MAMDC2: variants seen among roughly 807,000 people sequenced by gnomAD.
MAMDC2 encodes the protein MAM domain-containing protein 2.
A neutral mutation model predicts 89.8 loss-of-function variants in MAMDC2; 57 were observed. The ratio of observed to expected loss-of-function variants is 0.63; its 90% CI spans 0.51 to 0.79. The LOEUF is 0.79. MAMDC2 is among the 30% of genes least tolerant of loss of function. The pLI, the probability that MAMDC2 is intolerant of heterozygous loss-of-function variation, is 0.00. For synonymous variants in MAMDC2, 313 were observed against 293.4 expected, an observed-to-expected ratio of 1.07 and a Z score of -0.68; for missense variants, 800 against 820.6, an observed-to-expected ratio of 0.97 and a Z score of 0.31.
At chr9:70,207,913 G>C (rs544286190) in intron 11 of MAMDC2, among the ~76,000 whole-genome samples, 18 of 152,186 alleles carry the variant, frequency 1.2e-4, no homozygotes, top group East Asian at 5.8e-4. Flanking sequence ...TCTTGTTTTT[G>C]TCAGGTTTGT....
intron 2 of MAMDC2, among the ~76,000 whole-genome samples, chr9:70,104,189 G>C (rs1828274113): frequency 6.6e-6 from 1 of 152,088 alleles, no homozygotes; most frequent in African/African-American, 2.4e-5. Context: ...ATAAGCATAT[G>C]AAAGATGCTC....
intron 6 of MAMDC2, among the ~76,000 whole-genome samples, chr9:70,131,205 T>A: frequency 6.6e-6 from 1 of 152,076 alleles, no homozygotes; most frequent in East Asian, 1.9e-4. Flanking sequence ...CCAATCCCAT[T>A]CCAAAACCTA....
chr9:70,225,246 C>G (rs898712157), intron 12 of MAMDC2, among the ~76,000 whole-genome samples: 6 of 152,116 alleles, frequency 3.9e-5, no homozygotes, highest in Admixed American at 1.3e-4. Context: ...ATAAGTGAAC[C>G]ATTATCTTTG....
At chr9:70,083,344 G>A (rs1827696818) in intron 2 of MAMDC2, 1 of 151,796 alleles carries the variant, frequency 6.6e-6, no homozygotes, top group African/African-American at 2.4e-5. Flanking sequence ...AGTTATATTT[G>A]TTTTGTACTA....
intron 11 of MAMDC2, among the ~76,000 whole-genome samples, chr9:70,176,674 C>T (rs907349665): frequency 1.3e-5 from 2 of 152,172 alleles, no homozygotes; most frequent in African/African-American, 4.8e-5. Flanking sequence ...TTCCACTTTT[C>T]TAACTAACTC....
At chr9:70,089,807 TA>T (rs1380185653) in intron 2 of MAMDC2, among the ~76,000 whole-genome samples, 4 of 152,224 alleles carry the variant, frequency 2.6e-5, no homozygotes, top group Admixed American at 2.6e-4. Context: ...GATTAGTATT[TA>T]GTGATTAGCA....
At chr9:70,182,631 G>C (rs1258764053) in intron 11 of MAMDC2, among the ~76,000 whole-genome samples, 1 of 152,114 alleles carries the variant, frequency 6.6e-6, no homozygotes, top group Non-Finnish European at 1.5e-5. Context: ...AGATTTTCTA[G>C]TTTATTTTCA....
chr9:70,119,283 A>C (rs2030176887), intron 5 of MAMDC2, among the ~76,000 whole-genome samples: 2 of 152,184 alleles, frequency 1.3e-5, no homozygotes, highest in Non-Finnish European at 1.5e-5. Flanking sequence ...CTATTATGGA[A>C]GAAGCTGGAC....
At chr9:70,144,252 C>T (rs1190218493) in intron 9 of MAMDC2, among the ~76,000 whole-genome samples, 1 of 152,130 alleles carries the variant, frequency 6.6e-6, no homozygotes, top group African/African-American at 2.4e-5. Flanking sequence ...TGCATTGAGG[C>T]TTTAAGGTTA....
Position 70,064,431 on chromosome 9 carries a change from C to T in MAMDC2, c.148+19734C>T, listed in dbSNP as rs551247321. On this transcript the variant is annotated intron_variant, in intron 2 of 13. Transcript: ENST00000377182. ...AATGTTCAGTTTTCCATTCTTTCAC[C>T]GGATATATGAATTAAAATTTTAAAA... Among the ~76,000 whole-genome samples, 9 of 152,234 alleles carry T rather than the reference C, an allele frequency of 5.9e-5. No individual in the cohort carries two copies. The South Asian group carries it at 1.5e-3, about 25-fold the overall frequency.
intron 11 of MAMDC2, among the ~76,000 whole-genome samples, chr9:70,176,635 A>G (rs972175798): frequency 2.6e-5 from 4 of 152,184 alleles, no homozygotes; most frequent in East Asian, 1.9e-4. Context: ...TTGCTTCAAT[A>G]TAGATTTTCA....
In MAMDC2 at chr9:70,131,501, T is replaced by C; in HGVS notation, c.901-18T>C. On this transcript the variant is annotated intron_variant, in intron 6 of 13. Coordinates refer to ENST00000377182, the MANE Select transcript of MAMDC2 (RefSeq NM_153267.5). ...GAAAATATGTGAACATGTGACAGCA[T>C]GCCATTTTCCTCTGCAGGTTATTTT... 1 of 1,562,740 alleles carries C rather than the reference T, an allele frequency of 6.4e-7. No individual in the cohort carries two copies. Among genetic ancestry groups the C allele is most frequent in the Non-Finnish European group, 8.7e-7 (1 of 1,150,832 alleles).
At chr9:70,088,727 A>T (rs1050026971) in intron 2 of MAMDC2, 9 of 151,784 alleles carry the variant, frequency 5.9e-5, no homozygotes, top group African/African-American at 1.9e-4. Context: ...ACTAAAATAA[A>T]TGCTACATTT....
chr9:70,193,436 G>A (rs1172051045), intron 11 of MAMDC2, among the ~76,000 whole-genome samples: 1 of 152,050 alleles, frequency 6.6e-6, no homozygotes, highest in Non-Finnish European at 1.5e-5. Context: ...CCATTCAAGG[G>A]AGTATTAACT....
Position 70,060,018 on chromosome 9 carries a change from A to AGATC in MAMDC2, c.148+15324_148+15327dup, listed in dbSNP as rs548355024. Among the ~76,000 whole-genome samples, 32 of 152,346 alleles carry AGATC rather than the reference A, an allele frequency of 2.1e-4. No homozygotes were observed. In the East Asian group the frequency reaches 6.0e-3, roughly 28 times the overall value. ...AAATGTTAGCTTCTCTCCTGAGCTA[A>AGATC]GATCGACCTTAAGTTCAACCTTCCT... On this transcript the variant is annotated intron_variant, in intron 2 of 13. Coordinates refer to ENST00000377182, the MANE Select transcript of MAMDC2 (RefSeq NM_153267.5).
At position 70,168,839 on chromosome 9, in the gene MAMDC2, C is replaced by G. The variant is rs748515539; in HGVS notation, c.1498+44C>G. The stretch of plus-strand genomic sequence containing the variant: ...TAGCTCTCTGTCTCTCTGACCTATA[C>G]ATACATTTCCTGTATCGCTGAGAAT... On this transcript the variant is annotated intron_variant, in intron 10 of 13. Coordinates refer to ENST00000377182, the MANE Select transcript of MAMDC2 (RefSeq NM_153267.5). 3 of 1,443,702 alleles carry G rather than the reference C, an allele frequency of 2.1e-6. No homozygotes were observed. The South Asian group carries it at 3.4e-5, about 17-fold the overall frequency. 89.4% of individuals were successfully genotyped at this position (1,443,702 alleles called of 1,614,324 possible).
intron 11 of MAMDC2, among the ~76,000 whole-genome samples, chr9:70,190,777 A>G (rs574899290): frequency 6.6e-6 from 1 of 152,242 alleles, no homozygotes; most frequent in African/African-American, 2.4e-5. Flanking sequence ...ATTGTTTTTG[A>G]TAAATGCCAT....
At chr9:70,109,996 A>C (rs1828464566) in intron 4 of MAMDC2, among the ~76,000 whole-genome samples, 192 bp downstream of exon 4, 1 of 152,226 alleles carries the variant, frequency 6.6e-6, no homozygotes, top group Non-Finnish European at 1.5e-5. Context: ...GGGAAGGCTC[A>C]TTAGAATCTG....
chr9:70,115,725 T>C (rs1316494462), intron 5 of MAMDC2, among the ~76,000 whole-genome samples: 1 of 152,222 alleles, frequency 6.6e-6, no homozygotes, highest in Admixed American at 6.5e-5. Flanking sequence ...GGGCCCTTTG[T>C]AGGAACCACA....
Sources: gnomAD v4.1 joint callset for allele counts (sites outside exome capture counted in the v4.1 genomes callset) on GRCh38, gnomAD v4.1.1 for gene constraint, MANE v1.5 for transcripts, NCBI Gene and HGNC (gene_info 2026-07-23, HGNC 2026-07-21) for gene names.